The following HAAO variants were observed in gnomAD, a reference collection of about 807,000 sequenced individuals.
The protein encoded by HAAO is 3-hydroxyanthranilate oxygenase.
HAAO carries 49 observed loss-of-function variants against 46.2 expected under a neutral mutation model. That is an observed-to-expected ratio of 1.06 (90% confidence interval 0.84 to 1.34). The LOEUF (loss-of-function observed/expected upper bound fraction) is 1.34. Ranked by LOEUF, HAAO falls within the 40% of genes most tolerant of loss-of-function variation. HAAO has a pLI of 0.00. For missense variants in HAAO, 408 were observed against 364.5 expected (o/e 1.12, Z -0.97); for synonymous variants, 157 against 145.2 (o/e 1.08, Z -0.58).
Position 42,767,461 on chromosome 2 carries a change from A to G in HAAO, c.837T>C (p.Pro279=), listed in dbSNP as rs762183657. ...GSVALSVTQD[P]ACKKPLG The stretch of plus-strand genomic sequence containing the variant: ...GTCACCCCAGGGGCTTCTTGCAGGC[A>G]GGGTCCTGGGTCACAGACAGGGCCA... Residue 279 remains proline, a synonymous_variant, in exon 10 of 10, where the codon CCT becomes CCC. Coordinates refer to ENST00000294973, the MANE Select transcript of HAAO (RefSeq NM_012205.3). 3.1e-6 allele frequency: 5 copies of G among 1,613,158 alleles called. No homozygotes were observed. The Admixed American group carries it at 6.7e-5, about 22-fold the overall frequency.
At chr2:42,773,882 G>GC (rs1201663676) in intron 4 of HAAO, among the ~76,000 whole-genome samples, 2 of 152,132 alleles carry the variant, frequency 1.3e-5, no homozygotes, top group South Asian at 4.1e-4. Flanking sequence ...GTGCCACTGC[G>GC]CCCGGCTACC....
rs371193059 is a variant in HAAO at position 42,776,027 on chromosome 2, T to G, written c.351-5445A>C. ...AGAAATGTCTTTGTTTAAAAAAAAC[T>G]TTTTTTAAAGTGCACTGTAAAAGCA... On this transcript the variant is annotated intron_variant, in intron 4 of 9. Coordinates refer to ENST00000294973, the MANE Select transcript of HAAO (RefSeq NM_012205.3). Among the ~76,000 whole-genome samples, 14 of 151,992 alleles carry G rather than the reference T, an allele frequency of 9.2e-5. No individual in the cohort carries two copies. In the East Asian group the frequency reaches 1.4e-3, roughly 15 times the overall value.
At chr2:42,778,169 T>G (rs1018418903) in intron 4 of HAAO, among the ~76,000 whole-genome samples, 3 of 152,174 alleles carry the variant, frequency 2.0e-5, no homozygotes, top group African/African-American at 7.2e-5. Flanking sequence ...AGTTATCACA[T>G]TATTATTAAG....
intron 5 of HAAO, 61 bp from the exon 6 acceptor site, chr2:42,770,247 C>A: frequency 2.2e-6 from 3 of 1,352,694 alleles, no homozygotes; most frequent in South Asian, 1.2e-5. Context: ...TGGCCAGCGA[C>A]ACACACATAC....
chr2:42,781,168 T>C (rs1383224997), intron 4 of HAAO, among the ~76,000 whole-genome samples: 1 of 152,254 alleles, frequency 6.6e-6, no homozygotes, highest in Non-Finnish European at 1.5e-5. Flanking sequence ...ATTTGGAAGC[T>C]ATTTGTGAGT....
chr2:42,783,861 A>G lies in HAAO; in HGVS notation c.166T>C (p.Tyr56His), dbSNP rs760537122. 3.7e-6 allele frequency: 6 copies of G among 1,609,916 alleles called. No homozygotes were observed. In the Admixed American group the frequency reaches 8.4e-5, roughly 23 times the overall value. ...YHIEEGEEVF[Y>H]QLEGDMVLRV... ...AGAACCATGTCTCCCTCCAGCTGGTAAAATACCTGTGGGACAGGAGAGAGG... is the reference window on the plus strand; with the variant it reads ...AGAACCATGTCTCCCTCCAGCTGGTGAAATACCTGTGGGACAGGAGAGAGG... Residue 56 changes from tyrosine (Y) to histidine (H), a missense_variant, in exon 3 of 10, where the codon TAC (tyrosine) becomes CAC (histidine). Physicochemically the swap from Tyr to His is moderately conservative, Grantham distance 83 (BLOSUM62 2). Transcript: ENST00000294973.
intron 4 of HAAO, among the ~76,000 whole-genome samples, chr2:42,771,812 G>A (rs564505293): frequency 1.3e-5 from 2 of 152,366 alleles, no homozygotes; most frequent in South Asian, 2.1e-4. Context: ...ATGTGGTCCC[G>A]CTGGTGGGAG....
At chr2:42,788,690 A>G in intron 1 of HAAO, 83 bp from the exon 2 acceptor site, 1 of 887,110 alleles carries the variant, frequency 1.1e-6, no homozygotes, top group Non-Finnish European at 1.9e-6. Flanking sequence ...GCCAGGAGGG[A>G]GCCTGAGGGC....
At chr2:42,777,137 A>G (rs1159226909) in intron 4 of HAAO, among the ~76,000 whole-genome samples, 3 of 151,456 alleles carry the variant, frequency 2.0e-5, no homozygotes, top group Non-Finnish European at 4.4e-5. Flanking sequence ...TCCTGTCTCT[A>G]CTAAAAATAC....
rs114407320 is a variant in HAAO at position 42,773,561 on chromosome 2, G to C, written c.351-2979C>G. 2.8e-3 allele frequency among the ~76,000 whole-genome samples: 428 copies of C among 151,052 alleles called. 3 individuals are homozygous for C. The highest frequency in any genetic ancestry group is 9.9e-3 in the African/African-American group (407 of 41,092). On this transcript the variant is annotated intron_variant, in intron 4 of 9. Transcript: ENST00000294973. ...TAAGGGAAATGTCAAGCTGAGAACTGCTTAGGGCAAACCTACCCCCTATTT... is the reference window on the plus strand; with the variant it reads ...TAAGGGAAATGTCAAGCTGAGAACTCCTTAGGGCAAACCTACCCCCTATTT...
In HAAO at chr2:42,769,937, C is replaced by T. The variant is rs564237341; in HGVS notation, c.485-79G>A. On this transcript the variant is annotated intron_variant, in intron 6 of 9. Transcript: ENST00000294973. ...CCCAGTGGGCCCAGTTCCCAGGGGCCCCAGGTCTCAATTGCCAGAACAGGC... is the reference window on the plus strand; with the variant it reads ...CCCAGTGGGCCCAGTTCCCAGGGGCTCCAGGTCTCAATTGCCAGAACAGGC... 42 of 1,475,276 alleles carry T rather than the reference C, an allele frequency of 2.8e-5. No individual in the cohort carries two copies. In the African/African-American group the frequency reaches 5.7e-4, roughly 20 times the overall value. The allele number at this position is 1,475,276 out of a possible 1,614,324, so 91.4% of individuals were successfully genotyped here. A position where few individuals can be genotyped will look rare whatever the true frequency, so the allele number is the denominator to read the frequency against.
At chr2:42,792,344 C>T (rs1373659047) in intron 1 of HAAO, 113 bp downstream of exon 1, 2 of 566,448 alleles carry the variant, frequency 3.5e-6, no homozygotes, top group African/African-American at 3.9e-5. Flanking sequence ...GAGATTAAAG[C>T]GGTCCTTCTG....
At chr2:42,767,566 C>T in intron 9 of HAAO, 29 bp downstream of exon 9, 5 of 1,588,960 alleles carry the variant, frequency 3.1e-6, no homozygotes, top group Non-Finnish European at 4.3e-6. Context: ...CCCTGAGGAT[C>T]CCAGGGAAAG....
At chr2:42,773,909 C>T (rs1441808570) in intron 4 of HAAO, among the ~76,000 whole-genome samples, 1 of 152,152 alleles carries the variant, frequency 6.6e-6, no homozygotes, top group Non-Finnish European at 1.5e-5. Flanking sequence ...CCATTGTATT[C>T]AAAGTGCCCC....
At chr2:42,784,051 GA>G in intron 2 of HAAO, 184 bp from the exon 3 acceptor site, 9 of 649,484 alleles carry the variant, frequency 1.4e-5, no homozygotes, top group Non-Finnish European at 1.7e-5. Flanking sequence ...GAGTGCCGGG[GA>G]CACATGGGAT....
rs1341717973 is a variant in HAAO, at chr2:42,783,999, G to A, written c.160-132C>T. On this transcript the variant is annotated intron_variant, in intron 2 of 9. Coordinates refer to ENST00000294973, the MANE Select transcript of HAAO (RefSeq NM_012205.3). The stretch of plus-strand genomic sequence containing the variant: ...GGCCTTGGAGTTGATGGGCAGCTCC[G>A]TCACTTCTGTCCTGAGGCCTGTCTC... The A allele has an allele frequency of 1.1e-5, 16 of 1,473,066 alleles. 1 individual carries two copies. The South Asian group carries it at 1.2e-4, about 11-fold the overall frequency. 91.2% of individuals were successfully genotyped at this position (1,473,066 alleles called of 1,614,324 possible).
chr2:42,769,538 A>G (rs1400520929), intron 7 of HAAO, among the ~76,000 whole-genome samples, 175 bp downstream of exon 7: 1 of 151,648 alleles, frequency 6.6e-6, no homozygotes, highest in Non-Finnish European at 1.5e-5. Flanking sequence ...AGGGAGCACA[A>G]AGGCCTATGC....
chr2:42,767,344 G>T lies in HAAO; in HGVS notation c.*93C>A, dbSNP rs2304661. 0.084 allele frequency: 70,472 copies of T among 836,484 alleles called. 3,808 individuals carry two copies. Among genetic ancestry groups the T allele is most frequent in the African/African-American group, 0.22 (13,173 of 60,134 alleles). 51.8% of individuals were successfully genotyped at this position (836,484 alleles called of 1,614,324 possible). On this transcript the variant is annotated 3_prime_UTR_variant, in exon 10 of 10. Coordinates refer to ENST00000294973, the MANE Select transcript of HAAO (RefSeq NM_012205.3). The stretch of plus-strand genomic sequence containing the variant: ...GTGGGGGACACAGCGGCAGTACACA[G>T]AGAGGTAGTGGGGGCTGGGAGAGTT...
intron 6 of HAAO, 31 bp from the exon 7 acceptor site, chr2:42,769,889 C>G: frequency 6.4e-7 from 1 of 1,572,604 alleles, no homozygotes; most frequent in Non-Finnish European, 8.6e-7. Flanking sequence ...TAGTCGGTGT[C>G]CTCAGGACCC....
Sources: gnomAD v4.1 joint callset for allele counts (sites outside exome capture counted in the v4.1 genomes callset) on GRCh38, gnomAD v4.1.1 for gene constraint, MANE v1.5 for transcripts, NCBI Gene and HGNC (gene_info 2026-07-23, HGNC 2026-07-21) for gene names.